Variants in GRID1 observed in about 807,000 individuals in gnomAD.
GRID1 encodes glutamate receptor ionotropic, delta-1.
GRID1 carries 28 observed loss-of-function variants against 98.0 expected under a neutral mutation model. That is an observed-to-expected ratio of 0.29 (90% CI 0.21 to 0.39). The LOEUF is 0.39. Among genes scored for constraint, GRID1 ranks in the 10% least tolerant of loss-of-function variants. The pLI is 1.00. For synonymous variants in GRID1, 553 were observed against 538.5 expected, an observed-to-expected ratio of 1.03 and a Z score of -0.37; for missense variants, 1,111 against 1,340.5, an observed-to-expected ratio of 0.83 and a Z score of 2.67.
At chr10:85,701,480 C>CA (rs1267558676) in intron 12 of GRID1, among the ~76,000 whole-genome samples, 1 of 152,000 alleles carries the variant, frequency 6.6e-6, no homozygotes, top group Non-Finnish European at 1.5e-5. Context: ...GTCACTGGGG[C>CA]AAAAAACTCA....
intron 8 of GRID1, among the ~76,000 whole-genome samples, chr10:85,840,569 A>T (rs1040917369): frequency 1.3e-5 from 2 of 152,210 alleles, no homozygotes; most frequent in African/African-American, 4.8e-5. Flanking sequence ...AGATGATATG[A>T]TCCTATATTT....
chr10:86,322,348 A>G (rs940932397), intron 2 of GRID1, among the ~76,000 whole-genome samples: 8 of 152,202 alleles, frequency 5.3e-5, no homozygotes, highest in African/African-American at 1.7e-4. Flanking sequence ...GAAACACACA[A>G]GTCCTCAGAT....
chr10:85,725,603 G>A (rs1371783426), intron 10 of GRID1, among the ~76,000 whole-genome samples: 1 of 152,122 alleles, frequency 6.6e-6, no homozygotes, highest in Non-Finnish European at 1.5e-5. Flanking sequence ...GCACTGAAAG[G>A]CAGTCATCAT....
chr10:85,919,448 G>T (rs1487225413), intron 4 of GRID1, among the ~76,000 whole-genome samples: 1 of 151,990 alleles, frequency 6.6e-6, no homozygotes, highest in East Asian at 2.0e-4. Flanking sequence ...CAGAGGCTGA[G>T]ATAGATGGAG....
At position 85,818,558 on chromosome 10, in the gene GRID1, T is replaced by C. The variant is rs190693145; in HGVS notation, c.1233+35938A>G. Among the ~76,000 whole-genome samples the C allele has an allele frequency of 1.9e-3, 295 of 152,280 alleles. 1 individual carries two copies. The highest frequency in any genetic ancestry group is 6.9e-3 in the African/African-American group (286 of 41,550). ...AGCCAGAGCTCCTTGGAGACATGGC[T>C]AATTCTAGGTCAGAGGCAAGGAAAA... On this transcript the variant is annotated intron_variant, in intron 8 of 15. Transcript: ENST00000327946.
At chr10:86,057,629 G>T (rs1175949417) in intron 4 of GRID1, among the ~76,000 whole-genome samples, 2 of 152,024 alleles carry the variant, frequency 1.3e-5, no homozygotes, top group African/African-American at 4.8e-5. Flanking sequence ...CAGCACAGAG[G>T]GATCAGTTTT....
intron 4 of GRID1, among the ~76,000 whole-genome samples, chr10:85,974,203 A>G (rs1842442833): frequency 1.3e-5 from 2 of 152,248 alleles, no homozygotes; most frequent in Non-Finnish European, 2.9e-5. Context: ...TCAATTGTGC[A>G]CATAAATAAA....
intron 4 of GRID1, among the ~76,000 whole-genome samples, chr10:85,920,496 C>A (rs913036960): frequency 6.6e-6 from 1 of 152,230 alleles, no homozygotes; most frequent in Non-Finnish European, 1.5e-5. Context: ...AACAGGCCAT[C>A]CTAATTCTCC....
At chr10:86,332,775 T>G (rs1848166539) in intron 2 of GRID1, among the ~76,000 whole-genome samples, 1 of 102,902 alleles carries the variant, frequency 9.7e-6, no homozygotes, top group African/African-American at 4.5e-5. Context: ...CCCCTGCTCC[T>G]CCCTGACTCC....
chr10:86,316,456 C>T (rs540926699), intron 2 of GRID1, among the ~76,000 whole-genome samples: 3 of 152,250 alleles, frequency 2.0e-5, no homozygotes, highest in Admixed American at 6.5e-5. Flanking sequence ...CACAGCCTGG[C>T]CCCTGAAGCT....
At chr10:86,334,368 T>C (rs1173337575) in intron 2 of GRID1, among the ~76,000 whole-genome samples, 2 of 152,152 alleles carry the variant, frequency 1.3e-5, no homozygotes, top group African/African-American at 4.8e-5. Context: ...TGTCTCCGCA[T>C]GCACCATGCT....
At chr10:85,652,195 C>A (rs1843280131) in intron 12 of GRID1, among the ~76,000 whole-genome samples, 1 of 152,228 alleles carries the variant, frequency 6.6e-6, no homozygotes, top group African/African-American at 2.4e-5. Flanking sequence ...GTACCACCTC[C>A]TGTCCTCCCC....
At chr10:86,075,379 G>C (rs1164934938) in intron 4 of GRID1, among the ~76,000 whole-genome samples, 1 of 149,622 alleles carries the variant, frequency 6.7e-6, no homozygotes, top group Non-Finnish European at 1.5e-5. Flanking sequence ...GAAGAAGCCA[G>C]AGATCAGGGT....
intron 4 of GRID1, among the ~76,000 whole-genome samples, chr10:86,057,176 G>A (rs772919876): frequency 3.3e-5 from 5 of 152,186 alleles, no homozygotes; most frequent in Non-Finnish European, 5.9e-5. Context: ...GGCTTGGAGA[G>A]AGAGACAGAG....
At chr10:86,312,129 A>C (rs1013374938) in intron 2 of GRID1, among the ~76,000 whole-genome samples, 1 of 152,208 alleles carries the variant, frequency 6.6e-6, no homozygotes, top group Non-Finnish European at 1.5e-5. Flanking sequence ...TGCCTCAGCT[A>C]CTGTGAAGTT....
chr10:86,220,445 G>A (rs780735965), intron 2 of GRID1, among the ~76,000 whole-genome samples: 3 of 152,186 alleles, frequency 2.0e-5, no homozygotes, highest in South Asian at 2.1e-4. Flanking sequence ...AATGAGAGTC[G>A]AGTTAGTACT....
intron 8 of GRID1, among the ~76,000 whole-genome samples, chr10:85,826,365 A>G (rs1590250977): frequency 6.6e-6 from 1 of 152,274 alleles, no homozygotes; most frequent in Middle Eastern, 3.4e-3. Flanking sequence ...AAACCCAAGC[A>G]AAAGTCTAGA....
intron 2 of GRID1, among the ~76,000 whole-genome samples, chr10:86,261,524 G>A (rs535211966): frequency 7.5e-4 from 114 of 152,326 alleles, no homozygotes; most frequent in African/African-American, 2.5e-3. Context: ...GTACTGGGAA[G>A]GAGGTGCTCC....
chr10:85,856,802 G>A (rs1843114444), intron 6 of GRID1, among the ~76,000 whole-genome samples: 1 of 152,128 alleles, frequency 6.6e-6, no homozygotes. Context: ...TTGCTCTATT[G>A]GCCACCGCTG....
Sources: gnomAD v4.1 joint callset for allele counts (sites outside exome capture counted in the v4.1 genomes callset) on GRCh38, gnomAD v4.1.1 for gene constraint, MANE v1.5 for transcripts, NCBI Gene and HGNC (gene_info 2026-07-23, HGNC 2026-07-21) for gene names.